The following ATP8B4 variants were observed in gnomAD, a reference collection of about 807,000 sequenced individuals.
The protein encoded by ATP8B4 is probable phospholipid-transporting ATPase IM.
Under a neutral mutation model 145.6 loss-of-function variants are expected in ATP8B4, and 133 were observed. The ratio of observed to expected loss-of-function variants is 0.91; its 90% CI spans 0.79 to 1.05. The LOEUF is 1.05. Among genes scored for constraint, ATP8B4 ranks in the 50% least tolerant of loss-of-function variants. The probability of loss-of-function intolerance (pLI) is 0.00; values close to 1 mark genes in which losing one functional copy is unlikely to be tolerated. For synonymous variants in ATP8B4, 507 were observed against 492.9 expected, an observed-to-expected ratio of 1.03 and a Z score of -0.38; for missense variants, 1,458 against 1,425.2, an observed-to-expected ratio of 1.02 and a Z score of -0.37.
At chr15:49,972,535 A>C in intron 13 of ATP8B4, 47 bp downstream of exon 13, 2 of 1,559,850 alleles carry the variant, frequency 1.3e-6, no homozygotes, top group Non-Finnish European at 1.7e-6. Context: ...CAGTTATTCA[A>C]GAAATTGTTA....
intron 1 of ATP8B4, among the ~76,000 whole-genome samples, chr15:50,132,722 A>G (rs2153679066): frequency 6.6e-6 from 1 of 152,362 alleles, no homozygotes; most frequent in South Asian, 2.1e-4. Flanking sequence ...AATGCCCATC[A>G]GTGACAGACT....
chr15:49,901,455 G>A (rs1002400754), intron 20 of ATP8B4, among the ~76,000 whole-genome samples: 8 of 152,102 alleles, frequency 5.3e-5, no homozygotes, highest in Non-Finnish European at 8.8e-5. Context: ...TAAACATAAT[G>A]AAAATACAAT....
chr15:50,098,388 C>T (rs2153661324), intron 2 of ATP8B4, among the ~76,000 whole-genome samples: 1 of 146,698 alleles, frequency 6.8e-6, no homozygotes, highest in Admixed American at 7.0e-5. Context: ...ACCTCCTGGG[C>T]TCAAGCTATC....
At chr15:50,133,696 A>G (rs2044080891) in intron 1 of ATP8B4, among the ~76,000 whole-genome samples, 1 of 152,168 alleles carries the variant, frequency 6.6e-6, no homozygotes, top group South Asian at 2.1e-4. Context: ...AAATGGGGAG[A>G]TGTTGGTCAA....
Position 50,062,379 on chromosome 15 carries a change from T to C in ATP8B4, c.87+11748A>G, listed in dbSNP as rs369364002. 1.9e-4 allele frequency among the ~76,000 whole-genome samples: 29 copies of C among 152,238 alleles called. No individual in the cohort carries two copies. The East Asian group carries it at 5.4e-3, about 28-fold the overall frequency. On this transcript the variant is annotated intron_variant, in intron 3 of 27. Transcript: ENST00000284509. ...CCTGGTCCCCCTTCACCTTCTACTA[T>C]GTTTGGAGGCTTCCTGAAGCCTCCC...
intron 9 of ATP8B4, among the ~76,000 whole-genome samples, chr15:49,996,228 C>T (rs952876443): frequency 2.6e-5 from 4 of 152,032 alleles, no homozygotes; most frequent in Non-Finnish European, 5.9e-5. Context: ...TGCTAAGCGC[C>T]GTGCAAGGTA....
chr15:50,070,610 T>C (rs947342585), intron 3 of ATP8B4, among the ~76,000 whole-genome samples: 1 of 152,182 alleles, frequency 6.6e-6, no homozygotes, highest in East Asian at 1.9e-4. Context: ...ACAATGGAAG[T>C]CCTTTAATCT....
intron 7 of ATP8B4, among the ~76,000 whole-genome samples, chr15:50,005,473 A>G (rs963807980): frequency 1.3e-5 from 2 of 152,226 alleles, no homozygotes; most frequent in African/African-American, 4.8e-5. Context: ...CAACCCTGTG[A>G]GTGAGTAGTA....
chr15:50,022,962 TATG>T (rs1225131551), intron 6 of ATP8B4, among the ~76,000 whole-genome samples: 2 of 152,216 alleles, frequency 1.3e-5, no homozygotes, highest in African/African-American at 2.4e-5. Flanking sequence ...GATATATCTA[TATG>T]ATAATTTTTT....
chr15:49,866,568 C>T (rs2032825808), intron 25 of ATP8B4, 84 bp from the exon 26 acceptor site: 2 of 1,522,854 alleles, frequency 1.3e-6, no homozygotes, highest in Non-Finnish European at 1.8e-6. Flanking sequence ...GCGAGAACTG[C>T]CCTGTGGCAG....
chr15:49,944,724 A>G (rs762916862), intron 14 of ATP8B4, among the ~76,000 whole-genome samples: 35 of 152,202 alleles, frequency 2.3e-4, no homozygotes, highest in Non-Finnish European at 5.9e-5. Flanking sequence ...CCCAACATAT[A>G]TACAACAAAA....
chr15:50,035,045 T>G (rs1394739599), intron 6 of ATP8B4, among the ~76,000 whole-genome samples: 1 of 152,116 alleles, frequency 6.6e-6, no homozygotes, highest in Non-Finnish European at 1.5e-5. Flanking sequence ...CATCAAAAGA[T>G]TTTACCAAAA....
chr15:50,128,591 C>T (rs911216992), intron 1 of ATP8B4, among the ~76,000 whole-genome samples: 5 of 152,162 alleles, frequency 3.3e-5, no homozygotes, highest in Non-Finnish European at 5.9e-5. Flanking sequence ...TGGAGAGAAG[C>T]AGGAGAGGAG....
chr15:49,974,112 C>T (rs1206478960), intron 12 of ATP8B4, among the ~76,000 whole-genome samples: 7 of 141,430 alleles, frequency 4.9e-5, no homozygotes, highest in South Asian at 4.4e-4. Context: ...GACGGAGTTC[C>T]GCTCTTGTTG....
chr15:49,946,754 T>G (rs995517160), intron 14 of ATP8B4, among the ~76,000 whole-genome samples: 1 of 152,180 alleles, frequency 6.6e-6, no homozygotes, highest in African/African-American at 2.4e-5. Flanking sequence ...GGTGGTGTAT[T>G]GAATTTACAT....
intron 16 of ATP8B4, 37 bp from the exon 17 acceptor site, chr15:49,923,531 C>A: frequency 7.4e-7 from 1 of 1,357,306 alleles, no homozygotes; most frequent in South Asian, 1.2e-5. Context: ...AGAATATAAT[C>A]AACGTCATAC....
rs759907287 is a variant in ATP8B4 at position 49,876,499 on chromosome 15, C to T, written c.2806G>A (p.Asp936Asn). The change falls in exon 25 of 28, where the codon GAC becomes AAC. Residue 936 changes from aspartate to asparagine, a missense_variant. Asp to Asn is a conservative substitution (Grantham distance 23). Transcript: ENST00000284509. ...CCTGGTTTGTAGAGCTGGGGACAGT[C>T]CACGCTGTTCTGGTCACTCACATCC... is the stretch of plus-strand genomic sequence containing the variant. Reference protein sequence around the residue: ...DQDVSDQNSVDCPQLYKPGQL... With the variant: ...DQDVSDQNSVNCPQLYKPGQL... 1 of 1,614,002 alleles carries T rather than the reference C, an allele frequency of 6.2e-7. No individual in the cohort carries two copies. Among genetic ancestry groups the T allele is most frequent in the East Asian group, 2.2e-5 (1 of 44,866 alleles).
chr15:50,152,717 C>T (rs1379032043), intron 1 of ATP8B4, among the ~76,000 whole-genome samples: 3 of 152,308 alleles, frequency 2.0e-5, no homozygotes, highest in African/African-American at 4.8e-5. Context: ...AAATAATGTT[C>T]ATTTAACCAG....
At chr15:49,956,928 G>A (rs1472066390) in intron 14 of ATP8B4, among the ~76,000 whole-genome samples, 5 of 152,158 alleles carry the variant, frequency 3.3e-5, no homozygotes, top group African/African-American at 1.2e-4. Flanking sequence ...AAAAATAAAT[G>A]AGAAAGGGAC....
Sources: gnomAD v4.1 joint callset for allele counts (sites outside exome capture counted in the v4.1 genomes callset) on GRCh38, gnomAD v4.1.1 for gene constraint, MANE v1.5 for transcripts, NCBI Gene and HGNC (gene_info 2026-07-23, HGNC 2026-07-21) for gene names.